The following PRDM16 variants were observed in gnomAD, a reference collection of about 807,000 sequenced individuals.
PRDM16 encodes the protein histone-lysine N-methyltransferase PRDM16.
Under a neutral mutation model 110.6 loss-of-function variants are expected in PRDM16, and 23 were observed. That is an observed-to-expected ratio of 0.21 (90% CI 0.15 to 0.29). The LOEUF is 0.29. PRDM16 is among the 10% of genes least tolerant of loss of function. The pLI, the probability that PRDM16 is intolerant of heterozygous loss-of-function variation, is 1.00. For synonymous variants in PRDM16, 799 were observed against 781.8 expected (o/e 1.02, Z -0.37); for missense variants, 1,615 against 1,794.3 (o/e 0.90, Z 1.81).
chr1:3,129,847 T>G (rs1306043266), intron 1 of PRDM16, among the ~76,000 whole-genome samples: 1 of 148,348 alleles, frequency 6.7e-6, no homozygotes, highest in Non-Finnish European at 1.5e-5. Flanking sequence ...TCTCTGTCTC[T>G]CTCTGTCTGA....
chr1:3,073,708 TC>T (rs1175877907), intron 1 of PRDM16, among the ~76,000 whole-genome samples: 2 of 152,054 alleles, frequency 1.3e-5, no homozygotes, highest in Non-Finnish European at 2.9e-5. Context: ...TCGGCCGACT[TC>T]CCACTCCCCG....
At position 3,358,712 on chromosome 1, in the gene PRDM16, G is replaced by A. The variant is rs138643269; in HGVS notation, c.439-26440G>A. ...GGCTCCCGTGAACAAATATCGCCAC[G>A]TGTGCGCGATCAGAGCTGAGTAACC... On this transcript the variant is annotated intron_variant, in intron 3 of 16. Coordinates refer to ENST00000270722, the MANE Select transcript of PRDM16 (RefSeq NM_022114.4). The surrounding 1 kb of genome is among the most constrained non-coding windows in gnomAD (Gnocchi z 4.0). 1.0e-3 allele frequency among the ~76,000 whole-genome samples: 152 copies of A among 152,276 alleles called. No individual in the cohort carries two copies. Among genetic ancestry groups the A allele is most frequent in the African/African-American group, 3.4e-3 (140 of 41,554 alleles).
At chr1:3,315,436 C>T (rs1641579439) in intron 3 of PRDM16, among the ~76,000 whole-genome samples, 1 of 152,058 alleles carries the variant, frequency 6.6e-6, no homozygotes, top group Admixed American at 6.5e-5. Context: ...AGTTTGGAAT[C>T]AAACCAAGGA....
intron 1 of PRDM16, among the ~76,000 whole-genome samples, chr1:3,182,669 C>T (rs746043405): frequency 3.3e-5 from 5 of 152,164 alleles, no homozygotes; most frequent in African/African-American, 7.2e-5. Context: ...CCAGCCAGCT[C>T]GGTCTCTGTC....
rs1642646458 is a variant in PRDM16 at position 3,358,232 on chromosome 1, A to G, written c.439-26920A>G. Among the ~76,000 whole-genome samples the G allele has an allele frequency of 6.6e-6, 1 of 152,182 alleles. No homozygotes were observed. Among genetic ancestry groups the G allele is most frequent in the African/African-American group, 2.4e-5 (1 of 41,460 alleles). On this transcript the variant is annotated intron_variant, in intron 3 of 16. Coordinates refer to ENST00000270722, the MANE Select transcript of PRDM16 (RefSeq NM_022114.4). The surrounding 1 kb of genome is among the most constrained non-coding windows in gnomAD (Gnocchi z 4.0). ...TTTGTCTTCCTCCCTGTACACAGAT[A>G]AAGTCACCATGAGACTCCCGGTTCT...
chr1:3,332,442 G>C (rs1053358074), intron 3 of PRDM16, among the ~76,000 whole-genome samples: 5 of 151,966 alleles, frequency 3.3e-5, no homozygotes, highest in Non-Finnish European at 7.4e-5. Flanking sequence ...AGGGAGCGGT[G>C]GGGGGGCGTG....
Position 3,436,075 on chromosome 1 carries a change from G to C in PRDM16, c.*2264G>C, listed in dbSNP as rs376280564. The C allele has an allele frequency of 4.3e-6, 1 of 230,772 alleles. No homozygotes were observed. The highest frequency in any genetic ancestry group is 8.6e-6 in the Non-Finnish European group (1 of 116,616). The allele number at this position is 230,772 out of a possible 1,614,324, so 14.3% of individuals were successfully genotyped here. On this transcript the variant is annotated 3_prime_UTR_variant, in exon 17 of 17. Coordinates refer to ENST00000270722, the MANE Select transcript of PRDM16 (RefSeq NM_022114.4). ...CTGGGTCAGACCCACCAGGTACCCC[G>C]TAGGAATTTCCAGTTTCCCTTGATC...
chr1:3,387,728 A>C (rs1398999453), intron 4 of PRDM16, among the ~76,000 whole-genome samples: 1 of 152,244 alleles, frequency 6.6e-6, no homozygotes, highest in East Asian at 1.9e-4. Context: ...CTGAGTTGGC[A>C]GCTTCTTCTC....
intron 3 of PRDM16, among the ~76,000 whole-genome samples, chr1:3,374,150 G>T (rs1366786035): frequency 2.0e-5 from 3 of 152,144 alleles, no homozygotes; most frequent in Non-Finnish European, 4.4e-5. Flanking sequence ...GCCGCTGACC[G>T]CCAGGGGCCA....
At chr1:3,250,158 A>G (rs951351844) in intron 3 of PRDM16, among the ~76,000 whole-genome samples, 6 of 109,658 alleles carry the variant, frequency 5.5e-5, no homozygotes, top group African/African-American at 2.1e-4. Flanking sequence ...CGTTTTCACA[A>G]CTGTTGCGGC....
At chr1:3,408,639 C>T (rs1286181172) in intron 8 of PRDM16, among the ~76,000 whole-genome samples, 3 of 140,746 alleles carry the variant, frequency 2.1e-5, no homozygotes, top group East Asian at 2.2e-4. Flanking sequence ...GGTGCGTGAG[C>T]TGGTGCCTGT....
Position 3,244,074 on chromosome 1 carries a change from A to T in PRDM16, c.388-13A>T. 1 of 1,613,866 alleles carries T rather than the reference A, an allele frequency of 6.2e-7. No homozygotes were observed. On this transcript the variant is annotated splice_polypyrimidine_tract_variant and intron_variant, in intron 2 of 16. Transcript: ENST00000270722. This position sits in a 1 kb window ranked among gnomAD's most constrained non-coding sequence, Gnocchi z 4.1. Reference sequence around the variant, plus strand: ...ATCAGAAACTAACAACCCCTCTCAAAATTGTTTTGCAGCAAATACTGACGG... The same window carrying T: ...ATCAGAAACTAACAACCCCTCTCAATATTGTTTTGCAGCAAATACTGACGG...
intron 7 of PRDM16, 68 bp downstream of exon 7, chr1:3,404,954 G>A (rs757340289): frequency 6.5e-4 from 1,006 of 1,539,760 alleles, no homozygotes; most frequent in East Asian, 1.5e-3. Flanking sequence ...GCCCGCCCCC[G>A]TGCTCCCTAC....
At chr1:3,202,651 CT>C (rs1318087457) in intron 2 of PRDM16, among the ~76,000 whole-genome samples, 1 of 152,222 alleles carries the variant, frequency 6.6e-6, no homozygotes, top group East Asian at 1.9e-4. Flanking sequence ...CTGATTCCTC[CT>C]TTTCAACCTC....
chr1:3,166,486 A>G (rs1278317587), intron 1 of PRDM16, among the ~76,000 whole-genome samples: 3 of 152,252 alleles, frequency 2.0e-5, no homozygotes, highest in Non-Finnish European at 4.4e-5. Flanking sequence ...TGCTAAGCCC[A>G]CTTGGTTTGG....
chr1:3,214,031 A>G (rs1363323340), intron 2 of PRDM16, among the ~76,000 whole-genome samples: 1 of 152,106 alleles, frequency 6.6e-6, no homozygotes, highest in East Asian at 1.9e-4. Context: ...GGAATCTGCC[A>G]TCCTTCTCCC....
intron 2 of PRDM16, among the ~76,000 whole-genome samples, chr1:3,237,043 G>A (rs891403680): frequency 2.0e-5 from 3 of 152,140 alleles, no homozygotes; most frequent in African/African-American, 7.2e-5. Flanking sequence ...ACTTGGGTCA[G>A]CAGGAAAGAC....
chr1:3,121,188 C>T (rs1029579258), intron 1 of PRDM16, among the ~76,000 whole-genome samples: 1 of 152,124 alleles, frequency 6.6e-6, no homozygotes, highest in Non-Finnish European at 1.5e-5. Flanking sequence ...GCCTGGCCCC[C>T]GAGCTGCGTA....
intron 3 of PRDM16, among the ~76,000 whole-genome samples, chr1:3,356,817 C>T (rs967594237): frequency 2.6e-5 from 4 of 152,288 alleles, no homozygotes; most frequent in Non-Finnish European, 2.9e-5. Flanking sequence ...GCCAGTGTGG[C>T]GGTTCCTTAT....
Sources: allele counts gnomAD v4.1 joint callset (sites outside exome capture counted in the v4.1 genomes callset), GRCh38; gene constraint gnomAD v4.1.1; non-coding constraint Gnocchi (gnomAD v3.1); transcripts MANE v1.5; gene names NCBI Gene and HGNC (gene_info 2026-07-23, HGNC 2026-07-21).